THRB: variants seen among roughly 807,000 people sequenced by gnomAD.
The protein encoded by THRB is thyroid hormone receptor beta.
Under a neutral mutation model 47.8 loss-of-function variants are expected in THRB, and 12 were observed. The observed-to-expected ratio is 0.25, with a 90% CI of 0.16 to 0.41. The LOEUF (loss-of-function observed/expected upper bound fraction) is 0.41. THRB is among the 10% of genes least tolerant of loss of function. The pLI is 1.00. For missense variants in THRB, 348 were observed against 589.2 expected (o/e 0.59, Z 4.24); for synonymous variants, 218 against 212.2 (o/e 1.03, Z -0.24).
intron 9 of THRB, among the ~76,000 whole-genome samples, chr3:24,131,165 T>C (rs150516385): frequency 9.4e-4 from 143 of 152,332 alleles, no homozygotes; most frequent in African/African-American, 3.3e-3. Context: ...TGCATTATAT[T>C]AAATATGTTT....
At chr3:24,217,738 C>T (rs1410905293) in intron 4 of THRB, among the ~76,000 whole-genome samples, 1 of 152,148 alleles carries the variant, frequency 6.6e-6, no homozygotes, top group East Asian at 1.9e-4. Context: ...CTCCATCCTG[C>T]AGGACGCTAG....
Position 24,117,347 on chromosome 3 carries a change from C to T in THRB, c.*5537G>A, listed in dbSNP as rs1425679689. 2 of 152,214 alleles carry T rather than the reference C, an allele frequency of 1.3e-5. No homozygotes were observed. The highest frequency in any genetic ancestry group is 2.4e-5 in the African/African-American group (1 of 41,458). The allele number at this position is 152,214 out of a possible 1,614,324, so 9.4% of individuals were successfully genotyped here. On this transcript the variant is annotated 3_prime_UTR_variant, in exon 11 of 11. Coordinates refer to ENST00000646209, the MANE Select transcript of THRB (RefSeq NM_001354712.2). ...TTATAGCAGCAAGACTTAGAATTTTCTTTCAGGAATCATCTTGCCTCAACT... is the reference window on the plus strand; with the variant it reads ...TTATAGCAGCAAGACTTAGAATTTTTTTTCAGGAATCATCTTGCCTCAACT...
intron 10 of THRB, 93 bp downstream of exon 10, chr3:24,127,406 G>T: frequency 7.3e-7 from 1 of 1,366,340 alleles, no homozygotes; most frequent in Non-Finnish European, 1.0e-6. Context: ...TGTTTCTGAA[G>T]CTAAAGGGGG....
intron 4 of THRB, among the ~76,000 whole-genome samples, chr3:24,194,266 T>C (rs972612911): frequency 3.9e-5 from 6 of 152,112 alleles, no homozygotes; most frequent in African/African-American, 9.7e-5. Context: ...CAAAAACCTA[T>C]TGAAATAAAT....
intron 8 of THRB, among the ~76,000 whole-genome samples, chr3:24,134,492 C>T (rs1183288873): frequency 6.6e-6 from 1 of 152,132 alleles, no homozygotes; most frequent in Non-Finnish European, 1.5e-5. Context: ...CATTCAAATC[C>T]TGATTCGCAG....
chr3:24,279,484 A>G (rs889373450), intron 3 of THRB, among the ~76,000 whole-genome samples: 1 of 151,822 alleles, frequency 6.6e-6, no homozygotes, highest in African/African-American at 2.4e-5. Flanking sequence ...TCCCGGGTTC[A>G]CGCCATTCTC....
At chr3:24,366,651 T>G (rs1285253051) in intron 1 of THRB, among the ~76,000 whole-genome samples, 1 of 138,564 alleles carries the variant, frequency 7.2e-6, no homozygotes, top group African/African-American at 2.7e-5. Context: ...AGAAGGAGTC[T>G]CTCTCTGTCA....
At chr3:24,409,950 G>C (rs1301859112) in intron 1 of THRB, among the ~76,000 whole-genome samples, 5 of 151,834 alleles carry the variant, frequency 3.3e-5, no homozygotes, top group African/African-American at 1.2e-4. Context: ...AATGTGTTAA[G>C]CAGACCTTTG....
At chr3:24,174,548 C>A (rs1344620462) in intron 5 of THRB, among the ~76,000 whole-genome samples, 1 of 152,168 alleles carries the variant, frequency 6.6e-6, no homozygotes, top group African/African-American at 2.4e-5. Flanking sequence ...CAACCCCAAT[C>A]CTAGCTTGCA....
chr3:24,134,087 A>G (rs1456475983), intron 8 of THRB, among the ~76,000 whole-genome samples: 1 of 152,160 alleles, frequency 6.6e-6, no homozygotes, highest in East Asian at 1.9e-4. Context: ...CTAGTATTTA[A>G]TGTCCCTAGG....
At chr3:24,127,996 G>A (rs577857355) in intron 9 of THRB, among the ~76,000 whole-genome samples, 2 of 152,164 alleles carry the variant, frequency 1.3e-5, no homozygotes, top group African/African-American at 4.8e-5. Flanking sequence ...TTGCTTTTAT[G>A]ACAGACACAG....
At chr3:24,322,766 CTTG>C (rs1249486242) in intron 2 of THRB, among the ~76,000 whole-genome samples, 1 of 152,168 alleles carries the variant, frequency 6.6e-6, no homozygotes, top group Non-Finnish European at 1.5e-5. Context: ...GTTACAGAAG[CTTG>C]TATTTTCTAT....
chr3:24,217,691 T>C (rs1048437523), intron 4 of THRB, among the ~76,000 whole-genome samples: 5 of 152,204 alleles, frequency 3.3e-5, no homozygotes, highest in African/African-American at 1.2e-4. Flanking sequence ...TTTTCTGCTA[T>C]GACTTCCTAC....
At chr3:24,260,772 G>A (rs1374805025) in intron 3 of THRB, among the ~76,000 whole-genome samples, 1 of 152,154 alleles carries the variant, frequency 6.6e-6, no homozygotes. Flanking sequence ...GCTATGTCCT[G>A]TCTTCCTATT....
intron 1 of THRB, among the ~76,000 whole-genome samples, chr3:24,493,304 T>C (rs1016982207): frequency 6.6e-6 from 1 of 152,246 alleles, no homozygotes; most frequent in Non-Finnish European, 1.5e-5. Flanking sequence ...CACGTTAAAA[T>C]GCAATTTTTA....
intron 1 of THRB, among the ~76,000 whole-genome samples, chr3:24,481,651 G>A (rs1414290882): frequency 6.6e-6 from 1 of 152,088 alleles, no homozygotes; most frequent in Admixed American, 6.6e-5. Flanking sequence ...AGGGGTGAGG[G>A]AAAGTGTCAT....
intron 1 of THRB, among the ~76,000 whole-genome samples, chr3:24,337,631 T>C (rs2062345828): frequency 6.6e-6 from 1 of 152,232 alleles, no homozygotes; most frequent in East Asian, 1.9e-4. Context: ...CTCAGAGATG[T>C]ACATTTCTGT....
intron 4 of THRB, among the ~76,000 whole-genome samples, chr3:24,224,072 C>T (rs1029209987): frequency 9.9e-5 from 15 of 152,110 alleles, no homozygotes; most frequent in African/African-American, 3.6e-4. Flanking sequence ...TGTTGGATGT[C>T]TCAATTGGTC....
intron 2 of THRB, among the ~76,000 whole-genome samples, chr3:24,336,985 A>T (rs75276895): frequency 1.3e-5 from 2 of 152,110 alleles, no homozygotes; most frequent in Non-Finnish European, 2.9e-5. Flanking sequence ...TTAGCACTCA[A>T]GGAAAAGACA....
Sources: allele counts gnomAD v4.1 joint callset (sites outside exome capture counted in the v4.1 genomes callset), GRCh38; gene constraint gnomAD v4.1.1; transcripts MANE v1.5; gene names NCBI Gene and HGNC (gene_info 2026-07-23, HGNC 2026-07-21).